Variants in LRMDA observed in about 807,000 individuals in gnomAD.
LRMDA encodes the protein leucine-rich melanocyte differentiation-associated protein.
Under a neutral mutation model 29.8 loss-of-function variants are expected in LRMDA, and 18 were observed. The observed-to-expected ratio is 0.60, with a 90% CI of 0.42 to 0.90. LRMDA has a LOEUF of 0.90. Ranked by LOEUF, LRMDA falls within the 40% of genes least tolerant of loss-of-function variation. LRMDA has a pLI of 0.00. For synonymous variants in LRMDA, 125 were observed against 109.4 expected, an observed-to-expected ratio of 1.14 and a Z score of -0.89; for missense variants, 273 against 273.9, an observed-to-expected ratio of 1.00 and a Z score of 0.02.
At chr10:75,709,533 G>T (rs1842411809) in intron 2 of LRMDA, among the ~76,000 whole-genome samples, 1 of 152,012 alleles carries the variant, frequency 6.6e-6, no homozygotes, top group African/African-American at 2.4e-5. Flanking sequence ...ATCTCTTGGT[G>T]GTTTCTGACA....
At chr10:76,004,281 C>T (rs1320781215) in intron 2 of LRMDA, among the ~76,000 whole-genome samples, 2 of 152,046 alleles carry the variant, frequency 1.3e-5, no homozygotes, top group East Asian at 1.9e-4. Flanking sequence ...TGGTATAGTC[C>T]GAACTTAGAT....
intron 2 of LRMDA, among the ~76,000 whole-genome samples, chr10:75,664,443 C>G (rs943143632): frequency 1.1e-4 from 16 of 152,174 alleles, no homozygotes; most frequent in Non-Finnish European, 4.4e-5. Flanking sequence ...GGGTGATAGT[C>G]TGACTTTGCC....
intron 2 of LRMDA, among the ~76,000 whole-genome samples, chr10:75,715,878 A>G (rs1249133256): frequency 1.3e-5 from 2 of 149,516 alleles, no homozygotes; most frequent in Admixed American, 1.3e-4. Context: ...GTTTTGGAAG[A>G]CCAATGTCTG....
intron 2 of LRMDA, among the ~76,000 whole-genome samples, chr10:75,635,621 T>C (rs1379022922): frequency 6.6e-6 from 1 of 152,118 alleles, no homozygotes; most frequent in Non-Finnish European, 1.5e-5. Flanking sequence ...TGTTTCTGGT[T>C]CTACAGTTAC....
chr10:75,494,515 CTTTT>C (rs34902194), intron 2 of LRMDA, among the ~76,000 whole-genome samples: 7 of 102,870 alleles, frequency 6.8e-5, no homozygotes, highest in Admixed American at 2.6e-4. Context: ...ATGTTTGTTC[CTTTT>C]TTTTTTTTTT....
intron 6 of LRMDA, among the ~76,000 whole-genome samples, chr10:76,335,253 A>C (rs1431240286): frequency 6.6e-6 from 1 of 152,244 alleles, no homozygotes; most frequent in African/African-American, 2.4e-5. Context: ...ATTAGGATAA[A>C]ACATTAAGAT....
chr10:75,605,751 T>C (rs1012160102), intron 2 of LRMDA, among the ~76,000 whole-genome samples: 9 of 152,244 alleles, frequency 5.9e-5, no homozygotes, highest in African/African-American at 1.9e-4. Context: ...TACATTTCTT[T>C]GGCTTGAATG....
intron 6 of LRMDA, among the ~76,000 whole-genome samples, chr10:76,404,088 C>G (rs1841877860): frequency 1.3e-5 from 2 of 152,044 alleles, no homozygotes; most frequent in Admixed American, 6.5e-5. Context: ...CTTGCATATA[C>G]TAGCACTGGA....
chr10:75,575,679 C>G (rs915157885), intron 2 of LRMDA, among the ~76,000 whole-genome samples: 66 of 152,098 alleles, frequency 4.3e-4, no homozygotes, highest in African/African-American at 1.5e-3. Context: ...CCTTGTTTGT[C>G]TCATTGGGAC....
chr10:75,792,528 G>C (rs1292926635), intron 2 of LRMDA, among the ~76,000 whole-genome samples: 1 of 152,182 alleles, frequency 6.6e-6, no homozygotes, highest in Non-Finnish European at 1.5e-5. Context: ...CTCCCAAAGT[G>C]CTGGGATTAC....
intron 5 of LRMDA, among the ~76,000 whole-genome samples, chr10:76,220,299 A>C (rs963980772): frequency 1.3e-5 from 2 of 152,194 alleles, no homozygotes; most frequent in Non-Finnish European, 2.9e-5. Flanking sequence ...GAGACACAAA[A>C]ATACCTTCAA....
intron 5 of LRMDA, among the ~76,000 whole-genome samples, chr10:76,218,369 C>A (rs538787111): frequency 6.6e-6 from 1 of 152,140 alleles, no homozygotes; most frequent in Non-Finnish European, 1.5e-5. Flanking sequence ...CCGAGAGACC[C>A]GGAAGATATT....
chr10:76,025,891 T>G (rs538985050), intron 2 of LRMDA, among the ~76,000 whole-genome samples: 1 of 152,326 alleles, frequency 6.6e-6, no homozygotes. Flanking sequence ...TACTTAATAG[T>G]AGGGGACTAT....
chr10:75,803,963 T>C (rs1564572264), intron 2 of LRMDA, among the ~76,000 whole-genome samples: 10 of 152,226 alleles, frequency 6.6e-5, no homozygotes. Context: ...AAAGATAGCG[T>C]GGCCTTTGTG....
intron 2 of LRMDA, among the ~76,000 whole-genome samples, chr10:75,578,926 G>C (rs1840548539): frequency 6.6e-6 from 1 of 151,716 alleles, no homozygotes; most frequent in Admixed American, 6.6e-5. Flanking sequence ...GTGTGTAGAG[G>C]GAAATTTATA....
intron 2 of LRMDA, among the ~76,000 whole-genome samples, chr10:75,627,831 G>A (rs1352557710): frequency 4.6e-5 from 7 of 152,320 alleles, no homozygotes; most frequent in Middle Eastern, 3.4e-3. Flanking sequence ...GAAAAGATAT[G>A]TAGACTCTTC....
At chr10:75,914,131 A>G (rs1188758251) in intron 2 of LRMDA, among the ~76,000 whole-genome samples, 4 of 152,344 alleles carry the variant, frequency 2.6e-5, no homozygotes, top group Admixed American at 2.0e-4. Context: ...AAGACTGCGC[A>G]AGGATTTTTT....
At chr10:75,905,551 AAG>A (rs1470402635) in intron 2 of LRMDA, among the ~76,000 whole-genome samples, 1 of 152,166 alleles carries the variant, frequency 6.6e-6, no homozygotes, top group African/African-American at 2.4e-5. Context: ...CAAAAAAAAA[AAG>A]AGTCTGTCAA....
intron 6 of LRMDA, chr10:76,402,390 T>A (rs1841858491): frequency 6.6e-6 from 1 of 152,172 alleles, no homozygotes; most frequent in Non-Finnish European, 1.5e-5. Flanking sequence ...TCTTGCTGTG[T>A]CACCCAGGCT....
Sources: gnomAD v4.1 joint callset for allele counts (sites outside exome capture counted in the v4.1 genomes callset) on GRCh38, gnomAD v4.1.1 for gene constraint, MANE v1.5 for transcripts, NCBI Gene and HGNC (gene_info 2026-07-23, HGNC 2026-07-21) for gene names.